ZNF177: variants seen among roughly 807,000 people sequenced by gnomAD.
ZNF177 encodes zinc finger protein 177.
A neutral mutation model predicts 19.4 loss-of-function variants in ZNF177; 17 were observed. That is an observed-to-expected ratio of 0.87 (90% CI 0.60 to 1.31). The LOEUF is 1.31. Among genes scored for constraint, ZNF177 ranks in the 40% most tolerant of loss-of-function variants. ZNF177 has a pLI of 0.00. For missense variants in ZNF177, 633 were observed against 561.8 expected (o/e 1.13, Z -1.28); for synonymous variants, 220 against 188.7 (o/e 1.17, Z -1.36).
chr19:9,381,958 T>G (rs1295160130), exon 6 of ZNF177: 1 of 903,784 alleles, frequency 1.1e-6, no homozygotes, highest in East Asian at 2.7e-5. Flanking sequence ...AGTGAGTATT[T>G]CATTCTTATA....
upstream of ZNF177, among the ~76,000 whole-genome samples, chr19:9,374,448 C>A (rs1265313180): frequency 6.6e-6 from 1 of 152,042 alleles, no homozygotes; most frequent in African/African-American, 2.4e-5. Flanking sequence ...ATAGGAATTG[C>A]ATTAATTTGT....
exon 6 of ZNF177, chr19:9,382,161 TAAAG>T: frequency 2.5e-6 from 1 of 400,026 alleles, no homozygotes; most frequent in Non-Finnish European, 4.4e-6. Flanking sequence ...CCTTCTTTCT[TAAAG>T]TAATAAAATT....
chr19:9,375,072 G>A (rs1233750316), upstream of ZNF177, among the ~76,000 whole-genome samples: 1 of 140,144 alleles, frequency 7.1e-6, no homozygotes. Context: ...TTTACCAAGT[G>A]CTTTTTCTTC....
intron 2 of ZNF177, among the ~76,000 whole-genome samples, chr19:9,369,572 T>G (rs1403276540): frequency 6.6e-6 from 1 of 152,160 alleles, no homozygotes; most frequent in Non-Finnish European, 1.5e-5. Flanking sequence ...CTGCAGAATT[T>G]AGCCCATCTG....
In ZNF177 at chr19:9,378,982, A is replaced by G. The variant is rs781640002; in HGVS notation, c.54A>G (p.Glu18=). ...TTTAGAACTCAGTAACCTTCCAGGA[A>G]GTGGCAGTGGACTTTTCCCAGGAGG... The change falls in exon 3 of 6, where the codon GAA becomes GAG. Residue 18 remains glutamate, a synonymous_variant. Coordinates refer to ENST00000589262, the Ensembl canonical transcript of ZNF177. The G allele has an allele frequency of 2.5e-6, 4 of 1,608,240 alleles. No homozygotes were observed. In the East Asian group the frequency reaches 6.7e-5, roughly 27 times the overall value.
At chr19:9,374,492 T>C (rs987880661), upstream of ZNF177, among the ~76,000 whole-genome samples, 19 of 152,196 alleles carry the variant, frequency 1.2e-4, no homozygotes, top group Admixed American at 1.0e-3. Flanking sequence ...TTTGACAATA[T>C]TGATTCTTCC....
chr19:9,372,999 A>G (rs1034759809), upstream of ZNF177, among the ~76,000 whole-genome samples: 1 of 152,208 alleles, frequency 6.6e-6, no homozygotes, highest in Non-Finnish European at 1.5e-5. Flanking sequence ...TAACATATCC[A>G]TCCCCTCACT....
chr19:9,369,411 GCAAA>G (rs1291739778), intron 2 of ZNF177, among the ~76,000 whole-genome samples: 3 of 151,920 alleles, frequency 2.0e-5, no homozygotes, highest in South Asian at 2.1e-4. Context: ...AATTAATTTA[GCAAA>G]CAAACTTTAT....
At chr19:9,375,949 T>A (rs1375263985), upstream of ZNF177, among the ~76,000 whole-genome samples, 1 of 152,224 alleles carries the variant, frequency 6.6e-6, no homozygotes, top group African/African-American at 2.4e-5. Context: ...TAAGCTGGTA[T>A]AAGATCTTTC....
At chr19:9,369,653 AC>A (rs2068023234) in intron 2 of ZNF177, among the ~76,000 whole-genome samples, 1 of 93,576 alleles carries the variant, frequency 1.1e-5, no homozygotes, top group African/African-American at 5.5e-5. Context: ...TTTTCATTTG[AC>A]CTATTTTTTT....
chr19:9,374,798 A>G (rs2068089735), upstream of ZNF177, among the ~76,000 whole-genome samples: 1 of 152,130 alleles, frequency 6.6e-6, no homozygotes, highest in Non-Finnish European at 1.5e-5. Flanking sequence ...CATGTCATCT[A>G]CAAACATAAT....
upstream of ZNF177, among the ~76,000 whole-genome samples, chr19:9,372,397 G>A (rs10418573): frequency 0.61 from 91,879 of 151,446 alleles, 28,431 homozygotes; most frequent in African/African-American, 0.72. Flanking sequence ...ACTGTTCACT[G>A]TGGATTTTCA....
At chr19:9,380,439 T>C (rs1352417072) in intron 5 of ZNF177, 2 of 839,048 alleles carry the variant, frequency 2.4e-6, no homozygotes, top group Admixed American at 3.0e-5. Context: ...AAAAACTGTA[T>C]TAAAGAAGCC....
rs2068042982 is a variant in ZNF177, at chr19:9,371,157, G to C, written c.-304-453G>C. 5.3e-5 allele frequency among the ~76,000 whole-genome samples: 8 copies of C among 152,078 alleles called. No individual in the cohort carries two copies. The South Asian group carries it at 1.7e-3, about 31-fold the overall frequency. On this transcript the variant is annotated intron_variant, in intron 2 of 8. Transcript: ENST00000343499. The stretch of plus-strand genomic sequence containing the variant: ...GTATATTACTAACTGTGCATCTCTA[G>C]TTGGTTCATCACCACTACTCCATTA...
chr19:9,375,616 T>C (rs1350665371), upstream of ZNF177, among the ~76,000 whole-genome samples: 1 of 152,196 alleles, frequency 6.6e-6, no homozygotes, highest in African/African-American at 2.4e-5. Context: ...TTTTGGCATA[T>C]AATTTTTCAT....
exon 6 of ZNF177, chr19:9,381,416 A>C (rs1377668934): frequency 1.2e-6 from 2 of 1,613,858 alleles, no homozygotes; most frequent in African/African-American, 2.7e-5. Context: ...GTGAGAACCC[A>C]CACTGGAGAG....
At chr19:9,367,243 C>CT (rs940645413) in intron 2 of ZNF177, among the ~76,000 whole-genome samples, 12 of 152,058 alleles carry the variant, frequency 7.9e-5, no homozygotes, top group Admixed American at 3.9e-4. Context: ...TCACCTGAAC[C>CT]TGGCGAGGTT....
At chr19:9,371,036 A>G (rs1309158246) in intron 2 of ZNF177, among the ~76,000 whole-genome samples, 1 of 152,220 alleles carries the variant, frequency 6.6e-6, no homozygotes, top group Non-Finnish European at 1.5e-5. Flanking sequence ...ATTAGTGGTT[A>G]CTGTATTAGA....
At chr19:9,381,936 A>G in exon 6 of ZNF177, 1 of 1,110,762 alleles carries the variant, frequency 9.0e-7, no homozygotes, top group Non-Finnish European at 1.2e-6. Flanking sequence ...TATAGCTATG[A>G]TTGTTTTTAT....
Sources: gnomAD v4.1 joint callset for allele counts (sites outside exome capture counted in the v4.1 genomes callset) on GRCh38, gnomAD v4.1.1 for gene constraint, MANE v1.5 for transcripts, NCBI Gene and HGNC (gene_info 2026-07-23, HGNC 2026-07-21) for gene names.